Variants in ROBO1 observed in about 807,000 individuals in gnomAD.
The protein encoded by ROBO1 is roundabout homolog 1.
Under a neutral mutation model 195.9 loss-of-function variants are expected in ROBO1, and 149 were observed. That is an observed-to-expected ratio of 0.76 (90% CI 0.67 to 0.87). The LOEUF (loss-of-function observed/expected upper bound fraction) is 0.87, where lower values mean the gene tolerates loss of function less well. Ranked by LOEUF, ROBO1 falls within the 40% of genes least tolerant of loss-of-function variation. ROBO1 has a pLI of 0.00. For missense variants in ROBO1, 1,933 were observed against 2,068.3 expected (o/e 0.93, Z 1.27); for synonymous variants, 816 against 733.2 (o/e 1.11, Z -1.82).
intron 3 of ROBO1, among the ~76,000 whole-genome samples, chr3:79,054,126 C>T (rs772981831): frequency 4.6e-5 from 7 of 152,064 alleles, no homozygotes; most frequent in African/African-American, 7.2e-5. Context: ...TCAGCTAAAT[C>T]GGACTAATGG....
At chr3:79,350,622 G>GGA (rs1276278273) in intron 2 of ROBO1, among the ~76,000 whole-genome samples, 1 of 152,102 alleles carries the variant, frequency 6.6e-6, no homozygotes, top group East Asian at 1.9e-4. Context: ...AAAGGAAAAA[G>GGA]GATGGCTACA....
chr3:79,365,725 G>A (rs926086675), intron 2 of ROBO1, among the ~76,000 whole-genome samples: 36 of 151,974 alleles, frequency 2.4e-4, no homozygotes, highest in Non-Finnish European at 4.6e-4. Flanking sequence ...GTGAAACCCC[G>A]TCTCTACTAA....
chr3:78,776,240 T>TTATG (rs2083501554), intron 4 of ROBO1, among the ~76,000 whole-genome samples: 1 of 79,986 alleles, frequency 1.3e-5, no homozygotes, highest in African/African-American at 3.6e-5. Flanking sequence ...GAAGAAATTC[T>TTATG]TATTTATTTA....
At chr3:79,017,253 T>TC (rs1362739704) in intron 3 of ROBO1, among the ~76,000 whole-genome samples, 1 of 152,060 alleles carries the variant, frequency 6.6e-6, no homozygotes, top group Non-Finnish European at 1.5e-5. Flanking sequence ...GTGGTTTTTT[T>TC]CCCCCCTTTT....
chr3:79,129,316 G>A (rs556648413), intron 2 of ROBO1, among the ~76,000 whole-genome samples: 177 of 152,056 alleles, frequency 1.2e-3, no homozygotes, highest in Middle Eastern at 3.4e-3. Context: ...AATATTTTGC[G>A]ATATGGCTTT....
intron 2 of ROBO1, among the ~76,000 whole-genome samples, chr3:79,278,201 G>A (rs77887664): frequency 6.6e-6 from 1 of 152,030 alleles, no homozygotes; most frequent in Admixed American, 6.6e-5. Flanking sequence ...CATGTTCATG[G>A]ATCAGAAGAA....
chr3:79,338,341 A>AT (rs1183145566), intron 2 of ROBO1, among the ~76,000 whole-genome samples: 1 of 152,232 alleles, frequency 6.6e-6, no homozygotes, highest in East Asian at 1.9e-4. Flanking sequence ...CTCAAAAACA[A>AT]TTCTCAAATA....
At chr3:79,023,596 A>G (rs2078142988) in intron 3 of ROBO1, among the ~76,000 whole-genome samples, 1 of 151,710 alleles carries the variant, frequency 6.6e-6, no homozygotes. Context: ...CAAAACAAAA[A>G]TCACAGGGAG....
At chr3:79,083,560 A>G (rs1376611946) in intron 3 of ROBO1, among the ~76,000 whole-genome samples, 2 of 152,332 alleles carry the variant, frequency 1.3e-5, no homozygotes, top group East Asian at 3.9e-4. Context: ...TAAACATTCA[A>G]CCACAATATT....
intron 5 of ROBO1, among the ~76,000 whole-genome samples, chr3:78,719,585 A>G (rs2081992833): frequency 6.6e-6 from 1 of 152,144 alleles, no homozygotes; most frequent in Admixed American, 6.5e-5. Flanking sequence ...ATCACATGAT[A>G]TGTGCTGTTT....
intron 2 of ROBO1, among the ~76,000 whole-genome samples, chr3:79,143,966 T>A (rs2080589235): frequency 6.8e-6 from 1 of 145,992 alleles, no homozygotes; most frequent in African/African-American, 2.7e-5. Flanking sequence ...TGAGAATGAC[T>A]TTTTTTTTTC....
chr3:79,546,864 C>A (rs1226293124), intron 2 of ROBO1, among the ~76,000 whole-genome samples: 1 of 152,108 alleles, frequency 6.6e-6, no homozygotes, highest in African/African-American at 2.4e-5. Context: ...TGTAATCTTG[C>A]AAGATTTTAC....
intron 2 of ROBO1, among the ~76,000 whole-genome samples, chr3:79,403,964 A>G (rs1355648622): frequency 6.6e-6 from 1 of 152,056 alleles, no homozygotes; most frequent in Non-Finnish European, 1.5e-5. Flanking sequence ...AGAGGCTCAT[A>G]ATATCTATAC....
chr3:79,027,200 A>T (rs542278408), intron 3 of ROBO1, among the ~76,000 whole-genome samples: 1 of 152,202 alleles, frequency 6.6e-6, no homozygotes, highest in African/African-American at 2.4e-5. Flanking sequence ...TACTATGTTC[A>T]TTTAAAAACC....
At chr3:79,493,318 T>C (rs1020824990) in intron 2 of ROBO1, among the ~76,000 whole-genome samples, 1 of 151,994 alleles carries the variant, frequency 6.6e-6, no homozygotes, top group Non-Finnish European at 1.5e-5. Flanking sequence ...ATTATTAACA[T>C]ATGTTAGAAT....
Position 79,365,487 on chromosome 3 carries a change from T to C in ROBO1, c.88+224337A>G, listed in dbSNP as rs182946719. ...ATCTCTCTGCTTTATCATCAGAGGATCCCCTAACTTCATGAATAAGTAAAA... is the reference window on the plus strand; with the variant it reads ...ATCTCTCTGCTTTATCATCAGAGGACCCCCTAACTTCATGAATAAGTAAAA... On this transcript the variant is annotated intron_variant, in intron 2 of 30. Coordinates refer to ENST00000464233, the MANE Select transcript of ROBO1 (RefSeq NM_002941.4). Among the ~76,000 whole-genome samples, 371 of 152,228 alleles carry C rather than the reference T, an allele frequency of 2.4e-3. 2 individuals are homozygous for C. The highest frequency in any genetic ancestry group is 7.6e-3 in the African/African-American group (316 of 41,524).
chr3:79,170,339 T>C (rs1452435215), intron 2 of ROBO1, among the ~76,000 whole-genome samples: 2 of 152,180 alleles, frequency 1.3e-5, no homozygotes, highest in Non-Finnish European at 2.9e-5. Flanking sequence ...AGGTTGCTAT[T>C]TATCAGAAAA....
chr3:79,626,248 C>A (rs1945175370), intron 1 of ROBO1, among the ~76,000 whole-genome samples: 1 of 152,098 alleles, frequency 6.6e-6, no homozygotes, highest in African/African-American at 2.4e-5. Flanking sequence ...AGATGGAGAC[C>A]ATCCTGGTGA....
chr3:79,573,110 C>T (rs754549303), intron 2 of ROBO1, among the ~76,000 whole-genome samples: 9 of 152,078 alleles, frequency 5.9e-5, no homozygotes, highest in Non-Finnish European at 1.2e-4. Flanking sequence ...AGTGCAGCGG[C>T]GAGATCATGG....
Sources: allele counts gnomAD v4.1 joint callset (sites outside exome capture counted in the v4.1 genomes callset), GRCh38; gene constraint gnomAD v4.1.1; transcripts MANE v1.5; gene names NCBI Gene and HGNC (gene_info 2026-07-23, HGNC 2026-07-21).